Variants in CLDN10 observed in about 807,000 individuals in gnomAD.
CLDN10 encodes the protein claudin-10.
Under a neutral mutation model 22.9 loss-of-function variants are expected in CLDN10, and 15 were observed. The ratio of observed to expected loss-of-function variants is 0.65; its 90% CI spans 0.44 to 1.01. The LOEUF (loss-of-function observed/expected upper bound fraction) is 1.01, where lower values mean the gene tolerates loss of function less well. Ranked by LOEUF, CLDN10 falls within the 50% of genes least tolerant of loss-of-function variation. The pLI, the probability that CLDN10 is intolerant of heterozygous loss-of-function variation, is 0.00. For synonymous variants in CLDN10, 114 were observed against 111.4 expected, an observed-to-expected ratio of 1.02 and a Z score of -0.15; for missense variants, 247 against 287.8, an observed-to-expected ratio of 0.86 and a Z score of 1.03.
chr13:95,438,707 G>A (rs933863623), intron 1 of CLDN10, among the ~76,000 whole-genome samples: 12 of 152,124 alleles, frequency 7.9e-5, no homozygotes, highest in Admixed American at 6.5e-4. Context: ...GGCCAGGCAC[G>A]GTGGCTCACG....
At chr13:95,512,142 G>GGTT (rs2043109810) in intron 1 of CLDN10, among the ~76,000 whole-genome samples, 2 of 21,250 alleles carry the variant, frequency 9.4e-5, no homozygotes, top group South Asian at 3.0e-3. Context: ...GTTTTTGTTT[G>GGTT]TTTGTGTTCT....
intron 1 of CLDN10, among the ~76,000 whole-genome samples, chr13:95,439,351 ATT>A (rs371861667): frequency 6.8e-6 from 1 of 148,132 alleles, no homozygotes; most frequent in African/African-American, 2.5e-5. Context: ...TGTTATTATT[ATT>A]TTTTTTTTTG....
chr13:95,476,994 C>A (rs981438114), intron 1 of CLDN10, among the ~76,000 whole-genome samples: 1 of 152,010 alleles, frequency 6.6e-6, no homozygotes, highest in Non-Finnish European at 1.5e-5. Flanking sequence ...GGAGGAGAGG[C>A]GGGATGCAGA....
At chr13:95,482,153 C>A (rs2042754673) in intron 1 of CLDN10, among the ~76,000 whole-genome samples, 1 of 152,180 alleles carries the variant, frequency 6.6e-6, no homozygotes, top group South Asian at 2.1e-4. Flanking sequence ...GTGCTTATTT[C>A]ACATCGCATG....
At chr13:95,504,321 C>T (rs1001142844) in intron 1 of CLDN10, among the ~76,000 whole-genome samples, 5 of 152,196 alleles carry the variant, frequency 3.3e-5, no homozygotes, top group African/African-American at 9.7e-5. Flanking sequence ...CTGCAAGAAA[C>T]ATTAATCACA....
intron 1 of CLDN10, among the ~76,000 whole-genome samples, chr13:95,458,605 G>A (rs754205527): frequency 7.1e-4 from 108 of 152,224 alleles, no homozygotes; most frequent in Admixed American, 1.7e-3. Flanking sequence ...TACCAGAAGA[G>A]CATGGGGGAA....
intron 1 of CLDN10, among the ~76,000 whole-genome samples, chr13:95,504,403 CAG>C (rs1430654937): frequency 6.6e-6 from 1 of 151,988 alleles, no homozygotes; most frequent in African/African-American, 2.4e-5. Flanking sequence ...TTTTTTGAGA[CAG>C]AGTCTCACTC....
chr13:95,560,027 T>C (rs1206560924), intron 1 of CLDN10, 105 bp from the exon 2 acceptor site: 3 of 1,107,144 alleles, frequency 2.7e-6, no homozygotes, highest in Non-Finnish European at 3.9e-6. Context: ...ACCATCACAG[T>C]TATCTTTTTG....
rs1029845068 is a variant in CLDN10 at position 95,482,571 on chromosome 13, A to G, written c.214+48524A>G. On this transcript the variant is annotated intron_variant, in intron 1 of 4. Coordinates refer to the CLDN10 transcript ENST00000376873. ...GAGACCAATCTTGCTGATCCAGGGC[A>G]GGAAGTCTAGTCCAGATCCACCCTG... Among the ~76,000 whole-genome samples, 8 of 152,352 alleles carry G rather than the reference A, an allele frequency of 5.3e-5. No individual in the cohort carries two copies. The South Asian group carries it at 1.2e-3, about 24-fold the overall frequency.
chr13:95,508,778 T>A (rs760973561), intron 1 of CLDN10, among the ~76,000 whole-genome samples: 23 of 152,124 alleles, frequency 1.5e-4, no homozygotes, highest in Non-Finnish European at 2.9e-4. Flanking sequence ...AGTAATGAAG[T>A]AGTTGGAGGA....
chr13:95,463,284 TAATATATA>T (rs1345214569), intron 1 of CLDN10, among the ~76,000 whole-genome samples: 4 of 32,586 alleles, frequency 1.2e-4, no homozygotes, highest in African/African-American at 3.8e-4. Context: ...TGCAAATGCT[TAATATATA>T]TATATATATA....
intron 1 of CLDN10, among the ~76,000 whole-genome samples, chr13:95,495,288 T>C (rs1387103666): frequency 4.6e-5 from 7 of 151,836 alleles, no homozygotes; most frequent in Non-Finnish European, 1.0e-4. Context: ...CTGTCCGTCT[T>C]GGCTTCCCAA....
Position 95,579,360 on chromosome 13 carries a change from C to A in CLDN10, c.*1346C>A, listed in dbSNP as rs1594629802. 6.6e-6 allele frequency: 1 copy of A among 152,340 alleles called. No individual in the cohort carries two copies. Among genetic ancestry groups the A allele is most frequent in the South Asian group, 2.1e-4 (1 of 4,826 alleles). The allele number at this position is 152,340 out of a possible 1,614,324, so 9.4% of individuals were successfully genotyped here. On this transcript the variant is annotated 3_prime_UTR_variant, in exon 5 of 5. Transcript: ENST00000299339. Reference sequence around the variant, plus strand: ...GCCCTATATAACATGCCCACAAGGGCAACAGTTATCACAGTTCATACACAC... The same window carrying A: ...GCCCTATATAACATGCCCACAAGGGAAACAGTTATCACAGTTCATACACAC...
chr13:95,507,512 C>T (rs918366480), intron 1 of CLDN10, among the ~76,000 whole-genome samples: 4 of 152,046 alleles, frequency 2.6e-5, no homozygotes, highest in East Asian at 1.9e-4. Flanking sequence ...GGGTCAGGTG[C>T]GGTGTTTCAC....
chr13:95,469,689 A>AGC (rs1380160002), intron 1 of CLDN10, among the ~76,000 whole-genome samples: 1 of 152,174 alleles, frequency 6.6e-6, no homozygotes, highest in Non-Finnish European at 1.5e-5. Context: ...TAAATGCTGA[A>AGC]GCGGATCATC....
intron 1 of CLDN10, among the ~76,000 whole-genome samples, chr13:95,498,912 G>A (rs769272001): frequency 5.9e-5 from 9 of 152,194 alleles, no homozygotes; most frequent in East Asian, 3.9e-4. Flanking sequence ...GGCAACCACC[G>A]TTCTATTTTC....
intron 3 of CLDN10, among the ~76,000 whole-genome samples, chr13:95,566,530 C>A (rs540465548): frequency 6.6e-5 from 10 of 152,278 alleles, no homozygotes; most frequent in African/African-American, 2.4e-4. Context: ...AGCCCTTTGT[C>A]AGATGGGTAG....
intron 1 of CLDN10, among the ~76,000 whole-genome samples, chr13:95,447,501 G>A (rs980176649): frequency 5.3e-5 from 8 of 152,122 alleles, no homozygotes; most frequent in Admixed American, 3.9e-4. Flanking sequence ...TCTGTCTTAC[G>A]ACGGTCCCAT....
intron 1 of CLDN10, among the ~76,000 whole-genome samples, chr13:95,493,717 G>A (rs1026292643): frequency 6.6e-6 from 1 of 151,898 alleles, no homozygotes. Context: ...ATGCCACCAC[G>A]CCCAGCTAAT....
Sources: gnomAD v4.1 joint callset for allele counts (sites outside exome capture counted in the v4.1 genomes callset) on GRCh38, gnomAD v4.1.1 for gene constraint, MANE v1.5 for transcripts, NCBI Gene and HGNC (gene_info 2026-07-23, HGNC 2026-07-21) for gene names.